Variants in ASTN2 observed in about 807,000 individuals in gnomAD.
ASTN2 encodes the protein astrotactin-2.
ASTN2 carries 54 observed loss-of-function variants against 139.8 expected under a neutral mutation model. The ratio of observed to expected loss-of-function variants is 0.39; its 90% CI spans 0.31 to 0.48. The LOEUF (loss-of-function observed/expected upper bound fraction) is 0.48. ASTN2 is among the 20% of genes least tolerant of loss of function. The probability of loss-of-function intolerance (pLI) is 0.95; values close to 1 mark genes in which losing one functional copy is unlikely to be tolerated. For missense variants in ASTN2, 1,565 were observed against 1,725.1 expected, an observed-to-expected ratio of 0.91 and a Z score of 1.64; for synonymous variants, 756 against 719.5, an observed-to-expected ratio of 1.05 and a Z score of -0.81.
intron 4 of ASTN2, among the ~76,000 whole-genome samples, chr9:117,134,279 TATATATATATATATATACACACACAC>T (rs1369099763): frequency 5.4e-5 from 4 of 74,432 alleles, no homozygotes; most frequent in African/African-American, 1.9e-4. Context: ...TATATATATA[TATATATATATATATATACACACACAC>T]ACACACACAC....
chr9:116,676,635 T>A (rs951289236), intron 16 of ASTN2, among the ~76,000 whole-genome samples: 2 of 152,192 alleles, frequency 1.3e-5, no homozygotes, highest in Non-Finnish European at 2.9e-5. Flanking sequence ...GCCATAAAAA[T>A]TTTTTTTGAG....
chr9:117,059,964 T>G (rs1389405885), intron 5 of ASTN2, among the ~76,000 whole-genome samples: 3 of 152,034 alleles, frequency 2.0e-5, no homozygotes, highest in African/African-American at 4.8e-5. Flanking sequence ...AAGATCCAAT[T>G]GTTAAATATT....
chr9:116,505,318 C>T (rs796472047), intron 19 of ASTN2, among the ~76,000 whole-genome samples: 23 of 152,030 alleles, frequency 1.5e-4, no homozygotes, highest in African/African-American at 4.6e-4. Flanking sequence ...TGTTGGTTCC[C>T]GCTCAGCTTT....
chr9:117,333,701 A>G (rs930658075), intron 1 of ASTN2, among the ~76,000 whole-genome samples: 3 of 152,200 alleles, frequency 2.0e-5, no homozygotes, highest in African/African-American at 7.2e-5. Flanking sequence ...ACGGGGTTTC[A>G]CCATGTTGGC....
chr9:116,549,121 C>T (rs62574403), intron 19 of ASTN2, among the ~76,000 whole-genome samples: 24,123 of 151,546 alleles, frequency 0.16, 2,089 homozygotes, highest in African/African-American at 0.21. Context: ...ACATAATGAG[C>T]GGCTGGTGGC....
chr9:116,884,649 G>T (rs1833542957), intron 10 of ASTN2, among the ~76,000 whole-genome samples: 1 of 151,970 alleles, frequency 6.6e-6, no homozygotes, highest in South Asian at 2.1e-4. Context: ...TCCAGCCTGG[G>T]TGACAGAGCA....
Position 116,593,375 on chromosome 9 carries a change from A to C in ASTN2, c.3355+24949T>G, listed in dbSNP as rs144260895. On this transcript the variant is annotated intron_variant, in intron 19 of 22. Transcript: ENST00000313400. ...GGCCACACATTAATAAAAATTATCA[A>C]ACTGTCCCAGTTGGTGGAGTAGAAT... 4.7e-3 allele frequency among the ~76,000 whole-genome samples: 712 copies of C among 152,354 alleles called. 3 individuals carry two copies. Among genetic ancestry groups the C allele is most frequent in the Non-Finnish European group, 7.4e-3 (506 of 68,030 alleles).
At chr9:116,680,435 T>C (rs1024228651) in intron 16 of ASTN2, among the ~76,000 whole-genome samples, 7 of 152,212 alleles carry the variant, frequency 4.6e-5, no homozygotes. Flanking sequence ...AGCCGAATTC[T>C]ACCAGGGGTA....
chr9:116,807,965 T>A (rs1444647413), intron 12 of ASTN2, among the ~76,000 whole-genome samples: 5 of 118,058 alleles, frequency 4.2e-5, no homozygotes, highest in African/African-American at 1.2e-4. Flanking sequence ...AAAAAAAAAA[T>A]TAGCCAGGTG....
intron 21 of ASTN2, among the ~76,000 whole-genome samples, chr9:116,442,066 G>A (rs191375327): frequency 2.0e-5 from 3 of 152,254 alleles, no homozygotes; most frequent in East Asian, 3.9e-4. Flanking sequence ...TGGTTTTCTA[G>A]GTGCCATCTC....
intron 5 of ASTN2, among the ~76,000 whole-genome samples, chr9:117,069,385 A>G (rs1464608772): frequency 9.0e-6 from 1 of 111,012 alleles, no homozygotes; most frequent in African/African-American, 3.9e-5. Flanking sequence ...AGTTTGTTAT[A>G]ATTTCTGTTC....
At chr9:117,008,826 G>A (rs1168108535) in intron 6 of ASTN2, among the ~76,000 whole-genome samples, 2 of 152,200 alleles carry the variant, frequency 1.3e-5, no homozygotes, top group Non-Finnish European at 2.9e-5. Flanking sequence ...GGCTGAGTGT[G>A]AGGGAAATAG....
intron 3 of ASTN2, chr9:117,180,911 C>G: frequency 6.3e-7 from 1 of 1,593,458 alleles, no homozygotes; most frequent in Non-Finnish European, 8.5e-7. Context: ...ATTACATGCT[C>G]CTTGTTCTGC....
chr9:117,412,682 G>C (rs2130984490), intron 1 of ASTN2, among the ~76,000 whole-genome samples: 1 of 152,250 alleles, frequency 6.6e-6, no homozygotes, highest in African/African-American at 2.4e-5. Flanking sequence ...CCGTTTGGGG[G>C]GCGGGAGGAT....
At chr9:116,531,586 A>G (rs1010174565) in intron 19 of ASTN2, among the ~76,000 whole-genome samples, 24 of 140,106 alleles carry the variant, frequency 1.7e-4, no homozygotes, top group Middle Eastern at 4.3e-3. Flanking sequence ...TCATTGTTCA[A>G]TTCCCATCTA....
chr9:116,698,341 C>G lies in ASTN2; in HGVS notation c.2806+27430G>C. 6.2e-7 allele frequency: 1 copy of G among 1,614,132 alleles called. No homozygotes were observed. Among genetic ancestry groups the G allele is most frequent in the South Asian group, 1.1e-5 (1 of 91,076 alleles). On this transcript the variant is annotated intron_variant, in intron 16 of 22. Transcript: ENST00000313400. This position sits in a 1 kb window ranked among gnomAD's most constrained non-coding sequence, Gnocchi z 4.4. ...GAGCGCAGGGTCCAGGATGAGCTGG[C>G]TCGCTCTCGGAAGTTCTTCACAGGC...
At chr9:117,063,144 GT>G (rs1213989811) in intron 5 of ASTN2, among the ~76,000 whole-genome samples, 4 of 152,172 alleles carry the variant, frequency 2.6e-5, no homozygotes, top group African/African-American at 9.7e-5. Flanking sequence ...GTCAGGTATA[GT>G]TACAGTTAAA....
chr9:116,465,782 G>C (rs1178555213), intron 20 of ASTN2, among the ~76,000 whole-genome samples: 1 of 152,138 alleles, frequency 6.6e-6, no homozygotes, highest in East Asian at 1.9e-4. Flanking sequence ...TCAGGAGAGT[G>C]GCTGTGTTTT....
chr9:116,594,634 C>T (rs2131739058), intron 19 of ASTN2, among the ~76,000 whole-genome samples: 1 of 152,288 alleles, frequency 6.6e-6, no homozygotes, highest in African/African-American at 2.4e-5. Flanking sequence ...TTTCCATCAC[C>T]TCTGCTTCCC....
Sources: gnomAD v4.1 joint callset for allele counts (sites outside exome capture counted in the v4.1 genomes callset) on GRCh38, gnomAD v4.1.1 for gene constraint, Gnocchi (gnomAD v3.1) non-coding constraint, MANE v1.5 for transcripts, NCBI Gene and HGNC (gene_info 2026-07-23, HGNC 2026-07-21) for gene names.